The following SEC61A1 variants were observed in gnomAD, a reference collection of about 807,000 sequenced individuals.
SEC61A1 encodes the protein SEC61 translocon subunit alpha 1, also known as protein transport protein Sec61 subunit alpha isoform 1.
SEC61A1 carries 15 observed loss-of-function variants against 55.2 expected under a neutral mutation model. The ratio of observed to expected loss-of-function variants is 0.27; its 90% CI spans 0.18 to 0.42. The LOEUF is 0.42. Ranked by LOEUF, SEC61A1 falls within the 10% of genes least tolerant of loss-of-function variation. The pLI is 1.00. For synonymous variants in SEC61A1, 247 were observed against 234.0 expected (o/e 1.06, Z -0.51); for missense variants, 284 against 602.6 (o/e 0.47, Z 5.53).
At chr3:128,052,393 CCCGCCCCGCG>C (rs1289638440), upstream of SEC61A1, 4 of 1,202,362 alleles carry the variant, frequency 3.3e-6, no homozygotes, top group Non-Finnish European at 4.2e-6. Context: ...CGGCCCCGGC[CCCGCCCCGCG>C]CCGCGCCGCG....
rs1941699867 is a variant in SEC61A1, at chr3:128,052,466, G to T, written c.-87G>T. 6.5e-7 allele frequency: 1 copy of T among 1,532,080 alleles called. No individual in the cohort carries two copies. Among genetic ancestry groups the T allele is most frequent in the Non-Finnish European group, 8.8e-7 (1 of 1,139,708 alleles). The allele number at this position is 1,532,080 out of a possible 1,614,324, so 94.9% of individuals were successfully genotyped here. A position where few individuals can be genotyped will look rare whatever the true frequency, so the allele number is the denominator to read the frequency against. On this transcript the variant is annotated 5_prime_UTR_variant, in exon 1 of 12. Transcript: ENST00000243253. ...TGTCTCTCGGCGGAGCTGCTGTGCA[G>T]TGGAACGCGCTGGGCCGCGGGCAGC...
rs1222782767 is a variant in SEC61A1, at chr3:128,067,046, C to T, written c.870C>T (p.Pro290=). The change falls in exon 9 of 12, where the codon CCC becomes CCT. Residue 290 remains proline (P), a synonymous_variant. Transcript: ENST00000243253. This position sits in a 1 kb window ranked among gnomAD's most constrained non-coding sequence, Gnocchi z 4.1. ...AGCTCTTCTATACGTCCAACATCCC[C>T]ATCATCCTGCAGTCTGCCCTGGTGT... is the stretch of plus-strand genomic sequence containing the variant. ...PIKLFYTSNI[P]IILQSALVSN... The T allele has an allele frequency of 1.9e-6, 3 of 1,614,210 alleles. No homozygotes were observed. The highest frequency in any genetic ancestry group is 1.7e-6 in the Non-Finnish European group (2 of 1,180,028).
Position 128,052,499 on chromosome 3 carries a change from C to G in SEC61A1, c.-54C>G. On this transcript the variant is annotated 5_prime_UTR_variant, in exon 1 of 12. Transcript: ENST00000243253. ...CGCTGGGCCGCGGGCAGCGTCGCCT[C>G]ACGCGGAGCAGAGCTGAGCTGAAGC... 1.9e-6 allele frequency: 3 copies of G among 1,575,278 alleles called. No homozygotes were observed. In the South Asian group the frequency reaches 3.5e-5, roughly 18 times the overall value.
chr3:128,056,802 C>T lies in SEC61A1; in HGVS notation c.314C>T (p.Thr105Ile). ...GCCAAGATAATTGAAGTTGGTGACACCCCAAAAGACCGAGCTCTCTTCAAC... is the reference window on the plus strand; with the variant it reads ...GCCAAGATAATTGAAGTTGGTGACATCCCAAAAGACCGAGCTCTCTTCAAC... ...AGAKIIEVGDTPKDRALFNGA... is the reference protein window; with the variant it reads ...AGAKIIEVGDIPKDRALFNGA... The change falls in exon 5 of 12, where the codon ACC becomes ATC. Residue 105 changes from threonine to isoleucine, a missense_variant. By Grantham distance (89) the Thr-to-Ile change is moderately conservative. Coordinates refer to ENST00000243253, the MANE Select transcript of SEC61A1 (RefSeq NM_013336.4). 1 of 1,609,610 alleles carries T rather than the reference C, an allele frequency of 6.2e-7. No homozygotes were observed. Among genetic ancestry groups the T allele is most frequent in the Non-Finnish European group, 8.5e-7 (1 of 1,177,828 alleles).
intron 6 of SEC61A1, 91 bp downstream of exon 6, chr3:128,060,302 C>G: frequency 8.9e-7 from 1 of 1,128,136 alleles, no homozygotes; most frequent in South Asian, 1.3e-5. Flanking sequence ...CTAAAAGGAA[C>G]TCCTACTGAA....
rs1263577414 is a variant in SEC61A1 at position 128,067,518 on chromosome 3, C to T, written c.1073C>T (p.Pro358Leu). 5.0e-6 allele frequency: 8 copies of T among 1,613,998 alleles called. No individual in the cohort carries two copies. The highest frequency in any genetic ancestry group is 6.8e-6 in the Non-Finnish European group (8 of 1,179,984). Residue 358 changes from proline to leucine, a missense_variant, in exon 10 of 12, where the codon CCG becomes CTG. By Grantham distance (98) the Pro-to-Leu change is moderately conservative (BLOSUM62 -3). Transcript: ENST00000243253. This position sits in a 1 kb window ranked among gnomAD's most constrained non-coding sequence, Gnocchi z 4.1. ...TCTTTTGGCTCCGTGTTAGAAGACCCGGTCCATGCAGTTGTATACATAGTG... is the reference window on the plus strand; with the variant it reads ...TCTTTTGGCTCCGTGTTAGAAGACCTGGTCCATGCAGTTGTATACATAGTG... ...PESFGSVLEDPVHAVVYIVFM... is the reference protein window; with the variant it reads ...PESFGSVLEDLVHAVVYIVFM...
chr3:128,060,857 A>C (rs1941841164), intron 7 of SEC61A1, among the ~76,000 whole-genome samples, 196 bp downstream of exon 7: 1 of 152,250 alleles, frequency 6.6e-6, no homozygotes, highest in Non-Finnish European at 1.5e-5. Flanking sequence ...CCTAACTTGC[A>C]CTTTTCATAT....
At chr3:128,057,364 G>A (rs1941787916) in intron 5 of SEC61A1, among the ~76,000 whole-genome samples, 1 of 152,230 alleles carries the variant, frequency 6.6e-6, no homozygotes, top group South Asian at 2.1e-4. Context: ...GCTGGGCAAG[G>A]CAGGGGAGAG....
At chr3:128,065,293 G>A (rs1941932328) in intron 8 of SEC61A1, 12 of 601,196 alleles carry the variant, frequency 2.0e-5, no homozygotes, top group South Asian at 1.6e-4. Context: ...TGGGCCTATC[G>A]ACAGGTAAGA....
At chr3:128,065,146 G>C (rs769076533) in intron 8 of SEC61A1, 109 bp downstream of exon 8, 1 of 1,191,810 alleles carries the variant, frequency 8.4e-7, no homozygotes, top group Non-Finnish European at 1.3e-6. Flanking sequence ...ATATTGTGTT[G>C]AAACGATGAG....
At chr3:128,066,425 A>G (rs776296946) in intron 8 of SEC61A1, among the ~76,000 whole-genome samples, 1 of 150,300 alleles carries the variant, frequency 6.7e-6, no homozygotes, top group African/African-American at 2.4e-5. Flanking sequence ...GCTTGCTTCC[A>G]TGTTTTGTTT....
chr3:128,065,765 C>A lies in SEC61A1; in HGVS notation c.777+728C>A, dbSNP rs547224854. ...TTTTTTTTTTTTTTTGAGACGGAGTCTTGCTCTGTTGCCCAGGCTGGAGTG... is the reference window on the plus strand; with the variant it reads ...TTTTTTTTTTTTTTTGAGACGGAGTATTGCTCTGTTGCCCAGGCTGGAGTG... On this transcript the variant is annotated intron_variant, in intron 8 of 11. Transcript: ENST00000243253. Among the ~76,000 whole-genome samples the A allele has an allele frequency of 2.7e-3, 265 of 97,960 alleles. 1 individual carries two copies. The highest frequency in any genetic ancestry group is 9.9e-3 in the African/African-American group (237 of 23,864). The allele number at this position is 97,960 out of a possible 152,430, so 64.3% of individuals were successfully genotyped here. A position where few individuals can be genotyped will look rare whatever the true frequency, so the allele number is the denominator to read the frequency against.
At chr3:128,062,867 A>G (rs113693186) in intron 7 of SEC61A1, among the ~76,000 whole-genome samples, 1 of 152,214 alleles carries the variant, frequency 6.6e-6, no homozygotes, top group East Asian at 1.9e-4. Flanking sequence ...CAGAGACACA[A>G]TCTGGAGATG....
chr3:128,056,993 G>C (rs1255035300), intron 5 of SEC61A1, among the ~76,000 whole-genome samples, 153 bp downstream of exon 5: 1 of 151,408 alleles, frequency 6.6e-6, no homozygotes, highest in Admixed American at 6.6e-5. Flanking sequence ...CTGGAGTGCA[G>C]TGACGCAGTC....
chr3:128,051,838 TCA>T (rs1483430567), upstream of SEC61A1: 4 of 1,535,732 alleles, frequency 2.6e-6, no homozygotes, highest in Admixed American at 7.8e-5. Context: ...CCATTCGTTC[TCA>T]GATGGAAGGG....
intron 7 of SEC61A1, among the ~76,000 whole-genome samples, chr3:128,061,372 T>C (rs1941848570): frequency 6.6e-6 from 1 of 152,220 alleles, no homozygotes. Flanking sequence ...GTTCAAAACA[T>C]ACAAGGGAAG....
At chr3:128,060,738 T>TCC in intron 7 of SEC61A1, 77 bp downstream of exon 7, 1 of 1,377,776 alleles carries the variant, frequency 7.3e-7, no homozygotes, top group Non-Finnish European at 9.9e-7. Context: ...AAGACAAAAA[T>TCC]CCCCCCATTC....
In SEC61A1 at chr3:128,067,899, A is replaced by T. The variant is rs1942033258; in HGVS notation, c.1168-84A>T. ...AATATTGTCAGTGCTCGAAGAGGCGATCTGTAACTGTTCAGTACCACTTGG... is the reference window on the plus strand; with the variant it reads ...AATATTGTCAGTGCTCGAAGAGGCGTTCTGTAACTGTTCAGTACCACTTGG... On this transcript the variant is annotated intron_variant, in intron 10 of 11. Transcript: ENST00000243253. This position sits in a 1 kb window ranked among gnomAD's most constrained non-coding sequence, Gnocchi z 4.1. The T allele has an allele frequency of 9.3e-7, 1 of 1,070,584 alleles. No homozygotes were observed. The highest frequency in any genetic ancestry group is 1.6e-5 in the African/African-American group (1 of 63,928). 66.3% of individuals were successfully genotyped at this position (1,070,584 alleles called of 1,614,324 possible).
At position 128,070,214 on chromosome 3, in the gene SEC61A1, G is replaced by A. The variant is rs950961806; in HGVS notation, c.*552G>A. The A allele has an allele frequency of 1.3e-5, 2 of 152,374 alleles. No individual in the cohort carries two copies. The highest frequency in any genetic ancestry group is 2.9e-5 in the Non-Finnish European group (2 of 68,108). The allele number at this position is 152,374 out of a possible 1,614,324, so 9.4% of individuals were successfully genotyped here. On this transcript the variant is annotated 3_prime_UTR_variant, in exon 12 of 12. Transcript: ENST00000243253. ...CATTGTTTTCCCTTATTTTAAAAGT[G>A]ATTTTTTTAAGGACAGAACTTCTTC...
Sources: gnomAD v4.1 joint callset for allele counts (sites outside exome capture counted in the v4.1 genomes callset) on GRCh38, gnomAD v4.1.1 for gene constraint, Gnocchi (gnomAD v3.1) non-coding constraint, MANE v1.5 for transcripts, NCBI Gene and HGNC (gene_info 2026-07-23, HGNC 2026-07-21) for gene names.